The following MTA1 variants were observed in gnomAD, a reference collection of about 807,000 sequenced individuals.
MTA1 encodes metastasis-associated protein MTA1.
In MTA1, 15 loss-of-function variants were observed where a neutral mutation model predicts 97.0. The observed-to-expected ratio is 0.15, with a 90% CI of 0.10 to 0.24. The LOEUF is 0.24. MTA1 is among the 10% of genes least tolerant of loss of function. MTA1 has a pLI of 1.00. For missense variants in MTA1, 709 were observed against 1,015.1 expected (o/e 0.70, Z 4.10); for synonymous variants, 435 against 417.5 (o/e 1.04, Z -0.51).
At position 105,467,404 on chromosome 14, in the gene MTA1, C is replaced by T. The variant is rs1343803325; in HGVS notation, c.1813+662C>T. 35 of 455,582 alleles carry T rather than the reference C, an allele frequency of 7.7e-5. 1 individual carries two copies. The highest frequency in any genetic ancestry group is 3.4e-4 in the South Asian group (22 of 64,548). 28.2% of individuals were successfully genotyped at this position (455,582 alleles called of 1,614,324 possible). A position where few individuals can be genotyped will look rare whatever the true frequency, so the allele number is the denominator to read the frequency against. ...ACGGTGCTGGCCAGGGCAGCAGGGC[C>T]GGTTTGGCGACCTGGAGGTGGATAT... On this transcript the variant is annotated intron_variant, in intron 18 of 20. Transcript: ENST00000331320.
chr14:105,427,776 T>A (rs1555422556), intron 1 of MTA1, among the ~76,000 whole-genome samples: 1 of 152,008 alleles, frequency 6.6e-6, no homozygotes, highest in East Asian at 1.9e-4. Flanking sequence ...TCCCAACACT[T>A]TGGGAGGCTG....
Position 105,419,929 on chromosome 14 carries a change from A to T in MTA1, c.-107A>T. ...GCGGCGGCAGCAGCGCGGCCCCTTT[A>T]AACGCCTGCGGCGCCCCCCGCCCCC... On this transcript the variant is annotated 5_prime_UTR_variant, in exon 1 of 21. Transcript: ENST00000331320. The T allele has an allele frequency of 2.8e-6, 1 of 355,246 alleles. No individual in the cohort carries two copies. Among genetic ancestry groups the T allele is most frequent in the Non-Finnish European group, 3.9e-6 (1 of 257,812 alleles). The allele number at this position is 355,246 out of a possible 1,614,324, so 22.0% of individuals were successfully genotyped here.
chr14:105,461,059 C>A, intron 10 of MTA1, 106 bp downstream of exon 10: 1 of 1,194,192 alleles, frequency 8.4e-7, no homozygotes, highest in Non-Finnish European at 1.2e-6. Flanking sequence ...GGAGCCTGTC[C>A]TGCACCCTGA....
intron 1 of MTA1, among the ~76,000 whole-genome samples, chr14:105,428,702 C>G (rs1254007593): frequency 7.1e-6 from 1 of 140,562 alleles, no homozygotes; most frequent in African/African-American, 2.7e-5. Flanking sequence ...CTACAGAAAC[C>G]AAAAAGAAGT....
intron 1 of MTA1, among the ~76,000 whole-genome samples, chr14:105,426,051 G>C (rs901999145): frequency 9.2e-5 from 14 of 152,150 alleles, no homozygotes; most frequent in East Asian, 5.8e-4. Flanking sequence ...TTCTCTGCCC[G>C]GTGGCCTGAG....
At chr14:105,444,789 TTAAA>T (rs2082660091) in intron 2 of MTA1, among the ~76,000 whole-genome samples, 1 of 145,122 alleles carries the variant, frequency 6.9e-6, no homozygotes, top group African/African-American at 2.7e-5. Flanking sequence ...AGACCCCATC[TTAAA>T]AAAAAAAAAA....
chr14:105,462,053 C>T (rs967609593), intron 10 of MTA1, among the ~76,000 whole-genome samples: 12 of 152,374 alleles, frequency 7.9e-5, no homozygotes, highest in Middle Eastern at 3.4e-3. Flanking sequence ...GCTGAGCCCA[C>T]GTGATGCCTA....
At chr14:105,455,009 G>T (rs782596217) in intron 7 of MTA1, among the ~76,000 whole-genome samples, 5 of 152,096 alleles carry the variant, frequency 3.3e-5, no homozygotes, top group African/African-American at 1.2e-4. Context: ...AGGCTCAGAT[G>T]ATCCTCCCAC....
At chr14:105,469,281 A>C (rs1323512844) in intron 18 of MTA1, 186 bp from the exon 19 acceptor site, 5 of 654,418 alleles carry the variant, frequency 7.6e-6, no homozygotes, top group Non-Finnish European at 1.4e-5. Context: ...CTGTGGGGCC[A>C]CCAGGCGGCC....
At chr14:105,450,033 C>G (rs200447335) in intron 4 of MTA1, 25 bp from the exon 5 acceptor site, 29 of 1,613,232 alleles carry the variant, frequency 1.8e-5, no homozygotes, top group Non-Finnish European at 2.4e-5. Flanking sequence ...TGCCGCGGTG[C>G]TGACAGGGGC....
In MTA1 at chr14:105,464,691, A is replaced by G. The variant is rs782448833; in HGVS notation, c.1362A>G (p.Pro454=). Residue 454 remains proline (P), a synonymous_variant, in exon 15 of 21, where the codon CCA becomes CCG. Coordinates refer to ENST00000331320, the MANE Select transcript of MTA1 (RefSeq NM_004689.4). ...TTCCGCAGAGTCCCCACGGCCTCCCAGCCCGGAGCAGCGGGAGCCCCAAGT... is the reference window on the plus strand; with the variant it reads ...TTCCGCAGAGTCCCCACGGCCTCCCGGCCCGGAGCAGCGGGAGCCCCAAGT... The part of the protein sequence containing the change: ...NRSNMSPHGL[P]ARSSGSPKFA... The G allele has an allele frequency of 1.2e-6, 2 of 1,604,070 alleles. No individual in the cohort carries two copies. Among genetic ancestry groups the G allele is most frequent in the Non-Finnish European group, 1.7e-6 (2 of 1,173,664 alleles).
At chr14:105,468,250 C>T (rs2083679302) in intron 18 of MTA1, 2 of 1,252,800 alleles carry the variant, frequency 1.6e-6, no homozygotes, top group Admixed American at 4.6e-5. Flanking sequence ...GTTGCGCTGT[C>T]CCCACCTGCG....
Position 105,463,988 on chromosome 14 carries a change from T to G in MTA1, c.1077-44T>G. 2 of 1,597,488 alleles carry G rather than the reference T, an allele frequency of 1.3e-6. No individual in the cohort carries two copies. Among genetic ancestry groups the G allele is most frequent in the South Asian group, 2.2e-5 (2 of 90,458 alleles). ...TGCTGGGCACATGGGCCCTCGAGGT[T>G]TGTGCTCCTGCAACTCCTCTCGTCT... On this transcript the variant is annotated intron_variant, in intron 12 of 20. Coordinates refer to ENST00000331320, the MANE Select transcript of MTA1 (RefSeq NM_004689.4). The surrounding 1 kb of genome is among the most constrained non-coding windows in gnomAD (Gnocchi z 5.9).
intron 9 of MTA1, 36 bp from the exon 10 acceptor site, chr14:105,460,729 C>T (rs1248973095): frequency 1.1e-5 from 17 of 1,528,824 alleles, no homozygotes; most frequent in African/African-American, 1.4e-5. Flanking sequence ...GGAAAAGCCA[C>T]CTTGGCCCGG....
chr14:105,450,374 TTCC>T (rs1555428341), intron 6 of MTA1, 50 bp downstream of exon 6: 1 of 1,568,768 alleles, frequency 6.4e-7, no homozygotes, highest in Middle Eastern at 1.7e-4. Context: ...GGGCCACTGT[TTCC>T]TCTACCTATG....
Position 105,420,428 on chromosome 14 carries a change from T to C in MTA1, c.28+365T>C, listed in dbSNP as rs1269407229. On this transcript the variant is annotated intron_variant, in intron 1 of 20. Transcript: ENST00000331320. The surrounding 1 kb of genome is among the most constrained non-coding windows in gnomAD (Gnocchi z 5.3). ...CCTTGGGAGGCGCCGGCTGCCGGTCTGGGAGCAGGAGTTTTGGGGCTGTGG... is the reference window on the plus strand; with the variant it reads ...CCTTGGGAGGCGCCGGCTGCCGGTCCGGGAGCAGGAGTTTTGGGGCTGTGG... Among the ~76,000 whole-genome samples, 5 of 152,000 alleles carry C rather than the reference T, an allele frequency of 3.3e-5. No individual in the cohort carries two copies. Among genetic ancestry groups the C allele is most frequent in the Non-Finnish European group, 7.4e-5 (5 of 67,950 alleles).
chr14:105,438,691 C>T lies in MTA1; in HGVS notation c.48C>T (p.Asn16=). Residue 16 remains asparagine (N), a synonymous_variant, in exon 2 of 21, where the codon AAC becomes AAT. Coordinates refer to ENST00000331320, the MANE Select transcript of MTA1 (RefSeq NM_004689.4). ...YRVGDYVYFE[N]SSSNPYLIRR... ...TTGCAGACTACGTCTACTTTGAGAA[C>T]TCCTCCAGCAACCCATACCTGATCC... The T allele has an allele frequency of 6.2e-7, 1 of 1,613,518 alleles. No individual in the cohort carries two copies. The highest frequency in any genetic ancestry group is 8.5e-7 in the Non-Finnish European group (1 of 1,179,882).
chr14:105,431,782 C>T (rs1484247012), intron 1 of MTA1, among the ~76,000 whole-genome samples: 6 of 152,036 alleles, frequency 3.9e-5, no homozygotes, highest in African/African-American at 4.8e-5. Flanking sequence ...TGCACCACCA[C>T]ACCTGGCTAT....
intron 1 of MTA1, among the ~76,000 whole-genome samples, chr14:105,430,105 T>C (rs920155158): frequency 2.0e-5 from 3 of 152,182 alleles, no homozygotes; most frequent in Admixed American, 2.0e-4. Flanking sequence ...ACAACTGGGC[T>C]ACCTGCTTGG....
Sources: allele counts gnomAD v4.1 joint callset (sites outside exome capture counted in the v4.1 genomes callset), GRCh38; gene constraint gnomAD v4.1.1; non-coding constraint Gnocchi (gnomAD v3.1); transcripts MANE v1.5; gene names NCBI Gene and HGNC (gene_info 2026-07-23, HGNC 2026-07-21).